The following TSGA13 variants were observed in gnomAD, a reference collection of about 807,000 sequenced individuals.
TSGA13 encodes the protein testis-specific gene 13 protein.
TSGA13 carries 37 observed loss-of-function variants against 35.1 expected under a neutral mutation model. The ratio of observed to expected loss-of-function variants is 1.05; its 90% CI spans 0.81 to 1.39. The LOEUF is 1.39. Ranked by LOEUF, TSGA13 falls within the 40% of genes most tolerant of loss-of-function variation. The pLI is 0.00. For missense variants in TSGA13, 338 were observed against 328.5 expected (o/e 1.03, Z -0.22); for synonymous variants, 124 against 121.2 (o/e 1.02, Z -0.15).
In TSGA13 at chr7:130,679,373, C is replaced by G. The variant is rs201258535; in HGVS notation, c.175-6G>C. The G allele has an allele frequency of 1.2e-6, 2 of 1,603,046 alleles. No individual in the cohort carries two copies. Among genetic ancestry groups the G allele is most frequent in the South Asian group, 1.1e-5 (1 of 89,840 alleles). ...AAAGGCTTATAGTACTGGGCCTGAA[C>G]AGACAGAAAGGTTTCCAGAGAGAAA... On this transcript the variant is annotated splice_region_variant and splice_polypyrimidine_tract_variant and intron_variant, in intron 4 of 7. Coordinates refer to ENST00000356588, the MANE Select transcript of TSGA13 (RefSeq NM_052933.4).
At chr7:130,681,710 T>C (rs956890875) in intron 3 of TSGA13, among the ~76,000 whole-genome samples, 1 of 152,142 alleles carries the variant, frequency 6.6e-6, no homozygotes, top group Admixed American at 6.5e-5. Flanking sequence ...TATTTGAGTG[T>C]CATATCTGAT....
At chr7:130,678,195 G>T (rs539681630) in intron 5 of TSGA13, among the ~76,000 whole-genome samples, 14 of 152,162 alleles carry the variant, frequency 9.2e-5, no homozygotes, top group African/African-American at 3.4e-4. Flanking sequence ...TGGCTAACAC[G>T]GTGAAACCCC....
At chr7:130,675,333 T>C (rs868983906) in intron 5 of TSGA13, among the ~76,000 whole-genome samples, 2 of 146,566 alleles carry the variant, frequency 1.4e-5, no homozygotes, top group Non-Finnish European at 3.0e-5. Context: ...CATACTCGAC[T>C]TCATGGCCTC....
chr7:130,668,657 T>A lies in TSGA13; in HGVS notation c.*357A>T. 6.5e-7 allele frequency: 1 copy of A among 1,544,398 alleles called. No individual in the cohort carries two copies. The highest frequency in any genetic ancestry group is 8.7e-7 in the Non-Finnish European group (1 of 1,147,542). On this transcript the variant is annotated 3_prime_UTR_variant, in exon 8 of 8. Transcript: ENST00000356588. ...CAGACTCCTCGTCCTTCTTGTCGAA[T>A]TTTTTAATCATCTTGGACGACTTCC...
rs145015696 is a variant in TSGA13 at position 130,684,703 on chromosome 7, C to T, written c.23+485G>A. On this transcript the variant is annotated intron_variant, in intron 2 of 7. Transcript: ENST00000356588. The stretch of plus-strand genomic sequence containing the variant: ...CATCTGTTGCTGGCCACCAGTTGCA[C>T]CATTAACTCAGGTCAGAGGTCTTAA... Among the ~76,000 whole-genome samples, 47 of 152,280 alleles carry T rather than the reference C, an allele frequency of 3.1e-4. No individual in the cohort carries two copies. In the East Asian group the frequency reaches 8.1e-3, roughly 26 times the overall value.
chr7:130,668,738 G>A lies in TSGA13; in HGVS notation c.*276C>T, dbSNP rs782377675. Reference sequence around the variant, plus strand: ...GCGCCGCAGCCGGCGAGCGGAAGAGGCTGCAGGAAGGCCGGCCCCGCGCTC... The same window carrying A: ...GCGCCGCAGCCGGCGAGCGGAAGAGACTGCAGGAAGGCCGGCCCCGCGCTC... On this transcript the variant is annotated 3_prime_UTR_variant, in exon 8 of 8. Transcript: ENST00000356588. The A allele has an allele frequency of 6.8e-7, 1 of 1,480,820 alleles. No homozygotes were observed. The highest frequency in any genetic ancestry group is 9.0e-7 in the Non-Finnish European group (1 of 1,107,802). The allele number at this position is 1,480,820 out of a possible 1,614,324, so 91.7% of individuals were successfully genotyped here.
intron 5 of TSGA13, among the ~76,000 whole-genome samples, chr7:130,674,546 G>C (rs191513624): frequency 6.6e-6 from 1 of 152,164 alleles, no homozygotes; most frequent in Non-Finnish European, 1.5e-5. Flanking sequence ...GCTTTGTCAT[G>C]GCATTTATCA....
intron 4 of TSGA13, among the ~76,000 whole-genome samples, chr7:130,680,532 A>G (rs1774685984): frequency 6.6e-6 from 1 of 150,834 alleles, no homozygotes; most frequent in Non-Finnish European, 1.5e-5. Context: ...AAGTAAAAGC[A>G]GCCACAAAAG....
rs10628843 is a variant in TSGA13, at chr7:130,671,851, CTTTATTTTATTTTAT to C, written c.531-78_531-64del. The stretch of plus-strand genomic sequence containing the variant: ...GCAGGGGGATTCATGGAACTATTCA[CTTTATTTTATTTTAT>C]TTTATTTTATTTTATTTTATTTTAT... On this transcript the variant is annotated intron_variant, in intron 6 of 7. Transcript: ENST00000356588. The C allele has an allele frequency of 8.2e-4, 518 of 629,450 alleles. 6 individuals carry two copies. The highest frequency in any genetic ancestry group is 2.2e-3 in the South Asian group (54 of 24,458). The allele number at this position is 629,450 out of a possible 1,614,324, so 39.0% of individuals were successfully genotyped here. A position where few individuals can be genotyped will look rare whatever the true frequency, so the allele number is the denominator to read the frequency against.
At chr7:130,683,507 A>T in intron 3 of TSGA13, 87 bp downstream of exon 3, 3 of 1,257,352 alleles carry the variant, frequency 2.4e-6, no homozygotes, top group Admixed American at 2.4e-5. Context: ...GCTTTTCAAT[A>T]GGGAAGTTTG....
In TSGA13 at chr7:130,671,743, T is replaced by A. The variant is rs1796271873; in HGVS notation, c.576A>T (p.Lys192Asn). The A allele has an allele frequency of 1.2e-6, 2 of 1,607,038 alleles. No homozygotes were observed. The highest frequency in any genetic ancestry group is 1.7e-6 in the Non-Finnish European group (2 of 1,175,382). Residue 192 changes from lysine (K) to asparagine (N), a missense_variant, in exon 7 of 8, where the codon AAA (lysine) becomes AAT (asparagine). Transcript: ENST00000356588. The part of the protein sequence containing the change: ...NDFKSEGKYS[K>N]VYALRTQKKM... ...TCTTCTGTGTCCTCAAAGCGTAGAC[T>A]TTTGAATACTTCCCTTCGCTCTTGA...
Position 130,672,747 on chromosome 7 carries a change from C to G in TSGA13, c.517G>C (p.Glu173Gln). The G allele has an allele frequency of 6.2e-7, 1 of 1,613,244 alleles. No homozygotes were observed. Among genetic ancestry groups the G allele is most frequent in the Non-Finnish European group, 8.5e-7 (1 of 1,179,618 alleles). ...GCAAGATTTCACCTAAACCATTGTT[C>G]TCGCTTGGATGTGGGATCATCCGAC... The part of the protein sequence containing the change: ...ILSDDPTSKR[E>Q]QWFRFSTDND... The change falls in exon 6 of 8, where the codon GAA (glutamate) becomes CAA (glutamine). Residue 173 changes from glutamate (E) to glutamine (Q), a missense_variant. By Grantham distance (29) the Glu-to-Gln change is conservative (BLOSUM62 2). Coordinates refer to ENST00000356588, the MANE Select transcript of TSGA13 (RefSeq NM_052933.4).
In TSGA13 at chr7:130,685,373, C is replaced by T; in HGVS notation, c.-150-13G>A. 7.0e-7 allele frequency: 1 copy of T among 1,419,404 alleles called. No homozygotes were observed. The highest frequency in any genetic ancestry group is 9.3e-7 in the Non-Finnish European group (1 of 1,071,998). 87.9% of individuals were successfully genotyped at this position (1,419,404 alleles called of 1,614,324 possible). A position where few individuals can be genotyped will look rare whatever the true frequency, so the allele number is the denominator to read the frequency against. On this transcript the variant is annotated splice_polypyrimidine_tract_variant and intron_variant, in intron 1 of 7. Transcript: ENST00000356588. The stretch of plus-strand genomic sequence containing the variant: ...CCCATTCTTGAGCCTGTATGGGAAA[C>T]AAGAAAAGACTGATAGGTGCTATTG...
intron 4 of TSGA13, 83 bp downstream of exon 4, chr7:130,680,863 C>T (rs1796529289): frequency 1.6e-6 from 2 of 1,257,056 alleles, no homozygotes; most frequent in Admixed American, 1.7e-5. Context: ...CACTTGGAGG[C>T]ATTAGGGACA....
At chr7:130,675,171 CCTT>C (rs1322550560) in intron 5 of TSGA13, among the ~76,000 whole-genome samples, 1 of 151,888 alleles carries the variant, frequency 6.6e-6, no homozygotes, top group Non-Finnish European at 1.5e-5. Flanking sequence ...CTATCTGCTT[CCTT>C]CTTCTCCCTT....
chr7:130,675,898 A>G (rs1199777236), intron 5 of TSGA13, among the ~76,000 whole-genome samples: 1 of 152,152 alleles, frequency 6.6e-6, no homozygotes, highest in Non-Finnish European at 1.5e-5. Context: ...TACCCAGCCT[A>G]TGAATTTTGC....
In TSGA13 at chr7:130,668,823, C is replaced by T. The variant is rs1584626401; in HGVS notation, c.*191G>A. On this transcript the variant is annotated 3_prime_UTR_variant, in exon 8 of 8. Coordinates refer to ENST00000356588, the MANE Select transcript of TSGA13 (RefSeq NM_052933.4). ...GCCAAGGCCCGCCCTCCCCGGCCGC[C>T]CTCGGCCCCCGGGACGCAGCCACGC... The T allele has an allele frequency of 1.6e-6, 2 of 1,280,816 alleles. No individual in the cohort carries two copies. The highest frequency in any genetic ancestry group is 5.5e-5 in the East Asian group (2 of 36,426). The allele number at this position is 1,280,816 out of a possible 1,614,324, so 79.3% of individuals were successfully genotyped here. A position where few individuals can be genotyped will look rare whatever the true frequency, so the allele number is the denominator to read the frequency against.
chr7:130,677,158 C>T (rs557238918), intron 5 of TSGA13, among the ~76,000 whole-genome samples: 1 of 152,322 alleles, frequency 6.6e-6, no homozygotes, highest in East Asian at 1.9e-4. Context: ...TCCCAAAGTG[C>T]TGGGATTACA....
chr7:130,681,735 G>T (rs749251385), intron 3 of TSGA13, among the ~76,000 whole-genome samples: 4 of 152,068 alleles, frequency 2.6e-5, no homozygotes, highest in Non-Finnish European at 2.9e-5. Context: ...GAGGAGCTGA[G>T]CCTTTTCCAT....
Sources: allele counts gnomAD v4.1 joint callset (sites outside exome capture counted in the v4.1 genomes callset), GRCh38; gene constraint gnomAD v4.1.1; transcripts MANE v1.5; gene names NCBI Gene and HGNC (gene_info 2026-07-23, HGNC 2026-07-21).